USP24: variants seen among roughly 807,000 people sequenced by gnomAD.
The protein encoded by USP24 is ubiquitin carboxyl-terminal hydrolase 24.
Under a neutral mutation model 361.6 loss-of-function variants are expected in USP24, and 97 were observed. The ratio of observed to expected loss-of-function variants is 0.27; its 90% CI spans 0.23 to 0.32. The LOEUF is 0.32. USP24 is among the 10% of genes least tolerant of loss of function. The pLI is 1.00. For synonymous variants in USP24, 1,098 were observed against 1,124.6 expected, an observed-to-expected ratio of 0.98 and a Z score of 0.47; for missense variants, 2,353 against 3,165.6, an observed-to-expected ratio of 0.74 and a Z score of 6.16.
intron 17 of USP24, 83 bp from the exon 18 acceptor site, chr1:55,147,881 T>TG: frequency 4.8e-6 from 7 of 1,445,974 alleles, no homozygotes; most frequent in Non-Finnish European, 6.6e-6. Context: ...TATTTAAAGA[T>TG]GTAGTCCTAG....
At chr1:55,183,627 CA>C (rs764468826) in intron 1 of USP24, among the ~76,000 whole-genome samples, 1 of 152,072 alleles carries the variant, frequency 6.6e-6, no homozygotes, top group Non-Finnish European at 1.5e-5. Context: ...GATAAGAAAA[CA>C]AAGAGCAAAG....
intron 1 of USP24, among the ~76,000 whole-genome samples, chr1:55,211,413 T>G (rs141476057): frequency 6.6e-6 from 1 of 152,338 alleles, no homozygotes; most frequent in Non-Finnish European, 1.5e-5. Context: ...ACATCTCTTC[T>G]GCAAAACACT....
At chr1:55,115,553 C>T (rs1294648472) in intron 38 of USP24, among the ~76,000 whole-genome samples, 1 of 141,102 alleles carries the variant, frequency 7.1e-6, no homozygotes, top group Non-Finnish European at 1.5e-5. Flanking sequence ...TGGTGAAACA[C>T]TTTTACACTG....
chr1:55,194,240 T>C (rs745384987), intron 1 of USP24, among the ~76,000 whole-genome samples: 60 of 152,230 alleles, frequency 3.9e-4, no homozygotes, highest in Admixed American at 6.5e-5. Flanking sequence ...AAATTTCCTT[T>C]ACTAAGTATT....
intron 38 of USP24, among the ~76,000 whole-genome samples, chr1:55,120,360 T>C (rs1171895712): frequency 6.6e-6 from 1 of 152,106 alleles, no homozygotes; most frequent in African/African-American, 2.4e-5. Flanking sequence ...CCTTTTTCTC[T>C]CTGGGGTAGA....
Position 55,214,985 on chromosome 1 carries a change from G to T in USP24, c.129C>A (p.Asn43Lys). 1 of 1,449,278 alleles carries T rather than the reference G, an allele frequency of 6.9e-7. No individual in the cohort carries two copies. Among genetic ancestry groups the T allele is most frequent in the Non-Finnish European group, 9.1e-7 (1 of 1,098,164 alleles). The allele number at this position is 1,449,278 out of a possible 1,614,324, so 89.8% of individuals were successfully genotyped here. ...DINEAVALLT[N>K]ERPGLDYGGY... ...CGCCGTAGTCGAGGCCCGGCCGCTC[G>T]TTGGTGAGCAGTGCCACGGCCTCGT... Residue 43 changes from asparagine (N) to lysine (K), a missense_variant, in exon 1 of 68, where the codon AAC (asparagine) becomes AAA (lysine). By Grantham distance (94) the Asn-to-Lys change is moderately conservative. Around this residue, in one of 8 missense-constraint regions of USP24, gnomAD observed 253 missense variants for 255.3 expected, o/e 0.99. Coordinates refer to ENST00000294383, the MANE Select transcript of USP24 (RefSeq NM_015306.3).
chr1:55,184,175 G>C (rs939020871), intron 1 of USP24, among the ~76,000 whole-genome samples: 63 of 152,050 alleles, frequency 4.1e-4, no homozygotes, highest in Non-Finnish European at 7.6e-4. Context: ...TTCCACCTCA[G>C]CCTCCCAAGT....
At chr1:55,203,505 G>A (rs1244724524) in intron 1 of USP24, among the ~76,000 whole-genome samples, 1 of 152,200 alleles carries the variant, frequency 6.6e-6, no homozygotes, top group Non-Finnish European at 1.5e-5. Context: ...AATAAGGAGA[G>A]GGAAATGCAG....
At chr1:55,069,129 T>TA (rs762099924) in intron 67 of USP24, 22 bp from the exon 68 acceptor site, 2 of 1,613,666 alleles carry the variant, frequency 1.2e-6, no homozygotes, top group East Asian at 2.2e-5. Context: ...AAAAGGAAGT[T>TA]AAAGTTCATA....
At position 55,125,331 on chromosome 1, in the gene USP24, C is replaced by T; in HGVS notation, c.3949G>A (p.Val1317Ile). ...RVEEIIPAAR[V>I]AIQTMEVSDF... is the part of the protein sequence containing the mutation. The stretch of plus-strand genomic sequence containing the variant: ...CACAAATCACTTACTTGTATTGCAA[C>T]TCGAGCAGCAGGGATGATTTCCTCA... The change falls in exon 34 of 68, where the codon GTT becomes ATT. Residue 1317 changes from valine to isoleucine, a missense_variant. Val to Ile is a conservative substitution (Grantham distance 29). Around this residue, in one of 8 missense-constraint regions of USP24, gnomAD observed 949 missense variants for 1,280.5 expected, o/e 0.74. Coordinates refer to ENST00000294383, the MANE Select transcript of USP24 (RefSeq NM_015306.3). 1 of 1,613,662 alleles carries T rather than the reference C, an allele frequency of 6.2e-7. No individual in the cohort carries two copies. Among genetic ancestry groups the T allele is most frequent in the Non-Finnish European group, 8.5e-7 (1 of 1,179,602 alleles).
intron 5 of USP24, among the ~76,000 whole-genome samples, chr1:55,168,137 G>A (rs779488998): frequency 5.3e-5 from 8 of 152,198 alleles, no homozygotes; most frequent in Non-Finnish European, 8.8e-5. Flanking sequence ...AGGCACTGCA[G>A]TATCCTGAAA....
chr1:55,193,259 T>C (rs1179762875), intron 1 of USP24, among the ~76,000 whole-genome samples: 1 of 152,158 alleles, frequency 6.6e-6, no homozygotes, highest in East Asian at 1.9e-4. Flanking sequence ...TAAGCCATTT[T>C]ATATAAGGGA....
Position 55,172,505 on chromosome 1 carries a change from C to T in USP24, c.574G>A (p.Ala192Thr). Reference protein sequence around the residue: ...EAFKKLLTSSAVHKWGTEIHE... With the variant: ...EAFKKLLTSSTVHKWGTEIHE... The stretch of plus-strand genomic sequence containing the variant: ...ATTTCAGTACCCCACTTGTGAACAG[C>T]ACTTGATGTCAGGAGCTATAAAAAC... The change falls in exon 4 of 68, where the codon GCT becomes ACT. Residue 192 changes from alanine to threonine, a missense_variant. Transcript: ENST00000294383. The T allele has an allele frequency of 6.2e-7, 1 of 1,612,034 alleles. No homozygotes were observed. The highest frequency in any genetic ancestry group is 1.1e-5 in the South Asian group (1 of 90,662).
intron 38 of USP24, among the ~76,000 whole-genome samples, chr1:55,115,444 C>T (rs1349499658): frequency 3.6e-5 from 5 of 140,812 alleles, no homozygotes; most frequent in South Asian, 2.3e-4. Flanking sequence ...TGCAGTGAGC[C>T]GAGATCCCGC....
At chr1:55,116,435 C>T (rs1336315787) in intron 38 of USP24, among the ~76,000 whole-genome samples, 2 of 150,198 alleles carry the variant, frequency 1.3e-5, no homozygotes, top group Non-Finnish European at 3.0e-5. Flanking sequence ...TAGACTAACA[C>T]AAAAAAGGGA....
chr1:55,071,919 C>T lies in USP24; in HGVS notation c.7695G>A (p.Thr2565=), dbSNP rs766953892. 40 of 1,607,820 alleles carry T rather than the reference C, an allele frequency of 2.5e-5. No homozygotes were observed. Among genetic ancestry groups the T allele is most frequent in the Admixed American group, 3.4e-5 (2 of 59,126 alleles). ...TCAACAAAGCTGTGGCATACGCTAA[C>T]GTGTCCTGCAGAAGATTCAAACACA... ...TFQRTISAQD[T]LAYATALLNE... Residue 2565 remains threonine, a synonymous_variant, in exon 67 of 68, where the codon ACG becomes ACA. Coordinates refer to ENST00000294383, the MANE Select transcript of USP24 (RefSeq NM_015306.3).
At chr1:55,158,764 TATG>T (rs1223869439) in intron 10 of USP24, 111 bp downstream of exon 10, 23 of 929,642 alleles carry the variant, frequency 2.5e-5, no homozygotes, top group African/African-American at 8.6e-5. Context: ...CTCTTTTTTA[TATG>T]ATTACAATAA....
Position 55,097,022 on chromosome 1 carries a change from G to A in USP24, c.5866C>T (p.Leu1956Phe). The stretch of plus-strand genomic sequence containing the variant: ...CCACTGTGTACGATGACACCGACAA[G>A]TTCATAGTTTTCTGTGAGGGCAACC... ...KKVALTENYE[L>F]VGVIVHSGQA... The change falls in exon 49 of 68, where the codon CTT (leucine) becomes TTT (phenylalanine). Residue 1956 changes from leucine (L) to phenylalanine (F), a missense_variant. By Grantham distance (22) the Leu-to-Phe change is conservative (BLOSUM62 0). This residue lies in a region of USP24 where 598 missense variants were observed against 761.9 expected (regional missense o/e 0.78). Coordinates refer to ENST00000294383, the MANE Select transcript of USP24 (RefSeq NM_015306.3). 1.2e-6 allele frequency: 2 copies of A among 1,613,906 alleles called. No individual in the cohort carries two copies. Among genetic ancestry groups the A allele is most frequent in the East Asian group, 4.5e-5 (2 of 44,868 alleles).
At position 55,097,990 on chromosome 1, in the gene USP24, C is replaced by T; in HGVS notation, c.5548G>A (p.Val1850Ile). 1 of 1,613,526 alleles carries T rather than the reference C, an allele frequency of 6.2e-7. No homozygotes were observed. The highest frequency in any genetic ancestry group is 8.5e-7 in the Non-Finnish European group (1 of 1,179,734). The change falls in exon 47 of 68, where the codon GTT becomes ATT. Residue 1850 changes from valine to isoleucine, a missense_variant. This residue lies in a region of USP24 where 105 missense variants were observed against 200.3 expected (regional missense o/e 0.52). Coordinates refer to ENST00000294383, the MANE Select transcript of USP24 (RefSeq NM_015306.3). Reference sequence around the variant, plus strand: ...TAGTACGCATTACTTCCTTCTAGAACTTCTCCTCTAACAAATTGGTCCAAA... The same window carrying T: ...TAGTACGCATTACTTCCTTCTAGAATTTCTCCTCTAACAAATTGGTCCAAA... ...ISLDQFVRGE[V>I]LEGSNAYYCE... is the part of the protein sequence containing the mutation.
Sources: gnomAD v4.1 joint callset for allele counts (sites outside exome capture counted in the v4.1 genomes callset) on GRCh38, gnomAD v4.1.1 for gene constraint, gnomAD v4.1.1 regional missense constraint, MANE v1.5 for transcripts, NCBI Gene and HGNC (gene_info 2026-07-23, HGNC 2026-07-21) for gene names.